Variants in ANKRD62 observed in about 807,000 individuals in gnomAD.
ANKRD62 encodes the protein ankyrin repeat domain 62.
ANKRD62 carries 61 observed loss-of-function variants against 98.8 expected under a neutral mutation model. The ratio of observed to expected loss-of-function variants is 0.62; its 90% CI spans 0.50 to 0.76. The LOEUF (loss-of-function observed/expected upper bound fraction) is 0.76, where lower values mean the gene tolerates loss of function less well. Ranked by LOEUF, ANKRD62 falls within the 30% of genes least tolerant of loss-of-function variation. The pLI is 0.00. For missense variants in ANKRD62, 933 were observed against 1,082.9 expected (o/e 0.86, Z 1.94); for synonymous variants, 341 against 367.9 (o/e 0.93, Z 0.84).
chr18:12,170,847 G>A, the ANKRD62 span, among the ~76,000 whole-genome samples: 1 of 152,074 alleles, frequency 6.6e-6, no homozygotes, highest in Non-Finnish European at 1.5e-5. Context: ...AGAATAGTTA[G>A]CTCTTCTTGT....
downstream of ANKRD62, among the ~76,000 whole-genome samples, chr18:12,134,138 T>C (rs1910044485): frequency 6.6e-6 from 1 of 152,224 alleles, no homozygotes; most frequent in Non-Finnish European, 1.5e-5. Context: ...TGTATGTCAC[T>C]GCTTTCCTCA....
intron 11 of ANKRD62, 91 bp downstream of exon 11, chr18:12,122,607 G>A (rs1349381625): frequency 1.8e-6 from 2 of 1,089,282 alleles, no homozygotes; most frequent in South Asian, 1.9e-5. Context: ...ACCTTCTAGG[G>A]TTTAATAGAG....
At chr18:12,119,660 C>T (rs1016824359) in intron 10 of ANKRD62, among the ~76,000 whole-genome samples, 1 of 152,258 alleles carries the variant, frequency 6.6e-6, no homozygotes, top group East Asian at 1.9e-4. Context: ...TAGGTTTCAG[C>T]ATATAAACTT....
At chr18:12,174,766 A>G in the ANKRD62 span, among the ~76,000 whole-genome samples, 1 of 147,554 alleles carries the variant, frequency 6.8e-6, no homozygotes, top group Admixed American at 6.7e-5. Flanking sequence ...TATGGGCCCA[A>G]TGTTCAGCTC....
intron 8 of ANKRD62, among the ~76,000 whole-genome samples, chr18:12,109,950 CAAAAAAAA>C (rs10588166): frequency 2.4e-5 from 3 of 124,824 alleles, no homozygotes; most frequent in South Asian, 2.6e-4. Context: ...TCACTGTTAC[CAAAAAAAA>C]AAAAAAAAAA....
At chr18:12,134,382 T>A (rs1910048738), downstream of ANKRD62, among the ~76,000 whole-genome samples, 1 of 152,186 alleles carries the variant, frequency 6.6e-6, no homozygotes, top group African/African-American at 2.4e-5. Context: ...TCCCTTTTTT[T>A]TTATTATTAT....
the ANKRD62 span, among the ~76,000 whole-genome samples, chr18:12,134,943 G>A: frequency 1.3e-5 from 2 of 152,034 alleles, no homozygotes; most frequent in Admixed American, 6.6e-5. Flanking sequence ...CTGAGGAATC[G>A]CCACACTGAC....
the ANKRD62 span, among the ~76,000 whole-genome samples, chr18:12,138,593 G>T: frequency 6.6e-6 from 1 of 152,088 alleles, no homozygotes; most frequent in African/African-American, 2.4e-5. Flanking sequence ...TCAATTCCTG[G>T]ATGTCCTTGT....
chr18:12,150,953 A>C, the ANKRD62 span, among the ~76,000 whole-genome samples: 2 of 152,250 alleles, frequency 1.3e-5, no homozygotes, highest in Non-Finnish European at 2.9e-5. Flanking sequence ...CTTTATATGT[A>C]AATGGGTGAA....
chr18:12,158,063 T>C, the ANKRD62 span, among the ~76,000 whole-genome samples: 6 of 152,232 alleles, frequency 3.9e-5, no homozygotes, highest in Non-Finnish European at 8.8e-5. Flanking sequence ...ACAAGTCACC[T>C]CCAGGCCTGC....
chr18:12,123,675 G>C (rs1355550833), intron 11 of ANKRD62, among the ~76,000 whole-genome samples: 2 of 152,146 alleles, frequency 1.3e-5, no homozygotes, highest in Admixed American at 6.5e-5. Context: ...TTGCAAGAAG[G>C]CATCTGGAGG....
chr18:12,160,814 T>C, the ANKRD62 span, among the ~76,000 whole-genome samples: 3 of 152,024 alleles, frequency 2.0e-5, no homozygotes, highest in African/African-American at 7.2e-5. Flanking sequence ...GGAAGAAAAT[T>C]AGTGGTAAAA....
At chr18:12,175,298 T>A in the ANKRD62 span, among the ~76,000 whole-genome samples, 1 of 150,016 alleles carries the variant, frequency 6.7e-6, no homozygotes, top group Non-Finnish European at 1.5e-5. Flanking sequence ...AAGGGCAGGG[T>A]AGGGCACTGG....
chr18:12,164,354 C>G, the ANKRD62 span, among the ~76,000 whole-genome samples: 2 of 151,634 alleles, frequency 1.3e-5, no homozygotes, highest in Admixed American at 6.6e-5. Context: ...TCTTTTTTTT[C>G]GTCTCTGATT....
the ANKRD62 span, among the ~76,000 whole-genome samples, chr18:12,151,194 G>T: frequency 6.6e-6 from 1 of 152,110 alleles, no homozygotes; most frequent in Non-Finnish European, 1.5e-5. Context: ...ACAAAGAAGG[G>T]CATTAAATAA....
the ANKRD62 span, among the ~76,000 whole-genome samples, chr18:12,159,554 A>T: frequency 6.6e-6 from 1 of 152,024 alleles, no homozygotes; most frequent in Non-Finnish European, 1.5e-5. Flanking sequence ...CAATAAGTAG[A>T]GTCTATAGGT....
chr18:12,155,897 G>T, the ANKRD62 span, among the ~76,000 whole-genome samples: 2 of 152,164 alleles, frequency 1.3e-5, no homozygotes, highest in Non-Finnish European at 2.9e-5. Flanking sequence ...GTCAGTTGGT[G>T]ATATGGCTTA....
At position 12,095,458 on chromosome 18, in the gene ANKRD62, G is replaced by T; in HGVS notation, c.355G>T (p.Val119Phe). The T allele has an allele frequency of 6.3e-7, 1 of 1,574,888 alleles. No individual in the cohort carries two copies. Among genetic ancestry groups the T allele is most frequent in the Non-Finnish European group, 8.6e-7 (1 of 1,165,342 alleles). ...LIKAVQCQEE[V>F]CASILLEHGA... is the part of the protein sequence containing the mutation. ...ACAGGCTGTACAATGTCAAGAAGAAGTTTGTGCATCCATCCTGCTGGAACA... is the reference window on the plus strand; with the variant it reads ...ACAGGCTGTACAATGTCAAGAAGAATTTTGTGCATCCATCCTGCTGGAACA... The change falls in exon 3 of 14, where the codon GTT (valine) becomes TTT (phenylalanine). Residue 119 changes from valine (V) to phenylalanine (F), a missense_variant. Coordinates refer to ENST00000587848, the MANE Select transcript of ANKRD62 (RefSeq NM_001277333.2).
intron 6 of ANKRD62, chr18:12,102,098 T>C: frequency 7.3e-7 from 1 of 1,371,658 alleles, no homozygotes. Flanking sequence ...AGCTCTGCCT[T>C]GGGAGCTTTC....
Sources: allele counts gnomAD v4.1 joint callset (sites outside exome capture counted in the v4.1 genomes callset), GRCh38; gene constraint gnomAD v4.1.1; transcripts MANE v1.5; gene names NCBI Gene and HGNC (gene_info 2026-07-23, HGNC 2026-07-21).